The following ZNF423 variants were observed in gnomAD, a reference collection of about 807,000 sequenced individuals.
ZNF423 encodes the protein Ebf-associated zinc finger protein.
In ZNF423, 12 loss-of-function variants were observed where a neutral mutation model predicts 95.8. The observed-to-expected ratio is 0.13, with a 90% CI of 0.08 to 0.20. The LOEUF (loss-of-function observed/expected upper bound fraction) is 0.20, where lower values mean the gene tolerates loss of function less well. ZNF423 is among the 10% of genes least tolerant of loss of function. ZNF423 has a pLI of 1.00. For missense variants in ZNF423, 1,316 were observed against 1,737.1 expected (o/e 0.76, Z 4.31); for synonymous variants, 749 against 711.9 (o/e 1.05, Z -0.83).
At chr16:49,568,771 G>A (rs1159186048) in intron 5 of ZNF423, among the ~76,000 whole-genome samples, 1 of 152,090 alleles carries the variant, frequency 6.6e-6, no homozygotes, top group Non-Finnish European at 1.5e-5. Flanking sequence ...CAAATCTGTG[G>A]AATAGCTGGT....
At chr16:49,572,587 C>T (rs903926761) in intron 5 of ZNF423, among the ~76,000 whole-genome samples, 1 of 152,130 alleles carries the variant, frequency 6.6e-6, no homozygotes, top group Admixed American at 6.5e-5. Context: ...CACTGAGGAG[C>T]CCACTGGAGT....
intron 7 of ZNF423, among the ~76,000 whole-genome samples, chr16:49,499,740 C>T (rs932761459): frequency 1.3e-5 from 2 of 152,106 alleles, no homozygotes; most frequent in Non-Finnish European, 2.9e-5. Context: ...TCTTCCCTCG[C>T]ATGAAAACGT....
intron 2 of ZNF423, among the ~76,000 whole-genome samples, chr16:49,737,065 T>A (rs908689006): frequency 4.6e-5 from 7 of 152,118 alleles, no homozygotes; most frequent in African/African-American, 1.7e-4. Flanking sequence ...GGTACCATTT[T>A]ACACTCACAC....
At chr16:49,502,512 G>A (rs892207859) in intron 7 of ZNF423, among the ~76,000 whole-genome samples, 7 of 151,966 alleles carry the variant, frequency 4.6e-5, no homozygotes, top group South Asian at 4.2e-4. Flanking sequence ...CGGCTGTCTC[G>A]GGGGTTGTCC....
intron 1 of ZNF423, among the ~76,000 whole-genome samples, chr16:49,810,436 C>G (rs1342019860): frequency 6.6e-6 from 1 of 152,156 alleles, no homozygotes; most frequent in African/African-American, 2.4e-5. Context: ...AAGAGGCCTT[C>G]CCAGATCCCT....
rs193255374 is a variant in ZNF423, at chr16:49,599,647, C to T, written c.3601+26523G>A. Among the ~76,000 whole-genome samples, 411 of 152,318 alleles carry T rather than the reference C, an allele frequency of 2.7e-3. 3 individuals carry two copies. Among genetic ancestry groups the T allele is most frequent in the Admixed American group, 6.5e-3 (100 of 15,302 alleles). On this transcript the variant is annotated intron_variant, in intron 5 of 7. Coordinates refer to ENST00000563137, the MANE Select transcript of ZNF423 (RefSeq NM_001379286.1). ...AGTAAAATGCACATTTTCCCATATT[C>T]ACACAGTGCAACAAACACACAGCAA...
At chr16:49,566,943 G>A (rs961238935) in intron 5 of ZNF423, among the ~76,000 whole-genome samples, 5 of 152,110 alleles carry the variant, frequency 3.3e-5, no homozygotes, top group Admixed American at 1.3e-4. Flanking sequence ...CCTAAAATGA[G>A]AGCCATGTGT....
chr16:49,768,920 C>T (rs1036748498), intron 2 of ZNF423, among the ~76,000 whole-genome samples: 5 of 152,174 alleles, frequency 3.3e-5, no homozygotes, highest in South Asian at 2.1e-4. Flanking sequence ...AGCTGCCCTA[C>T]GCCCTGACAA....
intron 2 of ZNF423, among the ~76,000 whole-genome samples, chr16:49,766,195 A>T (rs1440031110): frequency 6.6e-6 from 1 of 152,230 alleles, no homozygotes; most frequent in Non-Finnish European, 1.5e-5. Flanking sequence ...AGAAGTCAGG[A>T]TATTAACATA....
intron 1 of ZNF423, among the ~76,000 whole-genome samples, chr16:49,807,175 T>C (rs1176694936): frequency 6.6e-6 from 1 of 152,118 alleles, no homozygotes; most frequent in African/African-American, 2.4e-5. Flanking sequence ...CTCACGCCTG[T>C]AATTCCAGCA....
chr16:49,781,439 C>T (rs1373699491), intron 2 of ZNF423, among the ~76,000 whole-genome samples: 1 of 152,072 alleles, frequency 6.6e-6, no homozygotes, highest in Non-Finnish European at 1.5e-5. Flanking sequence ...AAACCCACTG[C>T]GAGTTCAGCG....
At chr16:49,511,277 C>T (rs1967886089) in intron 7 of ZNF423, among the ~76,000 whole-genome samples, 1 of 152,216 alleles carries the variant, frequency 6.6e-6, no homozygotes, top group Non-Finnish European at 1.5e-5. Flanking sequence ...GCCTCCATGT[C>T]ACCCTCTAGA....
chr16:49,707,318 C>T (rs1301755145), intron 3 of ZNF423, among the ~76,000 whole-genome samples: 1 of 152,136 alleles, frequency 6.6e-6, no homozygotes, highest in African/African-American at 2.4e-5. Context: ...AACCTATATA[C>T]AGAAAAGAGC....
At chr16:49,851,961 G>A (rs559311215) in intron 1 of ZNF423, among the ~76,000 whole-genome samples, 13 of 152,228 alleles carry the variant, frequency 8.5e-5, no homozygotes, top group African/African-American at 3.1e-4. Context: ...ACCCTATAAA[G>A]GATTTGTTTT....
At chr16:49,495,300 C>T (rs948651215) in intron 7 of ZNF423, among the ~76,000 whole-genome samples, 18 of 152,158 alleles carry the variant, frequency 1.2e-4, no homozygotes, top group African/African-American at 1.2e-4. Flanking sequence ...GCCTGGCACA[C>T]GGGGCCAGGG....
At chr16:49,647,498 C>A (rs926197674) in intron 3 of ZNF423, among the ~76,000 whole-genome samples, 1 of 152,194 alleles carries the variant, frequency 6.6e-6, no homozygotes, top group African/African-American at 2.4e-5. Context: ...AGAGATTATC[C>A]TGGATTATCC....
At chr16:49,779,601 A>T (rs189049810) in intron 2 of ZNF423, among the ~76,000 whole-genome samples, 2 of 151,954 alleles carry the variant, frequency 1.3e-5, no homozygotes, top group African/African-American at 4.8e-5. Context: ...ATGGGCAGCA[A>T]CTCCCCCAAA....
At chr16:49,613,102 A>T (rs1596716683) in intron 5 of ZNF423, among the ~76,000 whole-genome samples, 2 of 152,330 alleles carry the variant, frequency 1.3e-5, no homozygotes, top group Non-Finnish European at 2.9e-5. Context: ...TTTCTCCCCA[A>T]ATCAATATAC....
intron 4 of ZNF423, among the ~76,000 whole-genome samples, chr16:49,633,782 A>G (rs1972585222): frequency 6.6e-6 from 1 of 152,170 alleles, no homozygotes; most frequent in African/African-American, 2.4e-5. Flanking sequence ...GCTCAGACAA[A>G]GGGTCCTGAG....
Sources: allele counts gnomAD v4.1 joint callset (sites outside exome capture counted in the v4.1 genomes callset), GRCh38; gene constraint gnomAD v4.1.1; transcripts MANE v1.5; gene names NCBI Gene and HGNC (gene_info 2026-07-23, HGNC 2026-07-21).